The following OCM variants were observed in gnomAD, a reference collection of about 807,000 sequenced individuals.
OCM encodes oncomodulin.
Under a neutral mutation model 14.1 loss-of-function variants are expected in OCM, and 18 were observed. The observed-to-expected ratio is 1.28, with a 90% CI of 0.88 to 1.89. OCM has a LOEUF of 1.89. Among genes scored for constraint, OCM ranks in the 40% most tolerant of loss-of-function variants. The probability of loss-of-function intolerance (pLI) is 0.00; values close to 1 mark genes in which losing one functional copy is unlikely to be tolerated. For synonymous variants in OCM, 48 were observed against 51.0 expected, an observed-to-expected ratio of 0.94 and a Z score of 0.25; for missense variants, 140 against 137.6, an observed-to-expected ratio of 1.02 and a Z score of -0.09.
the OCM span, among the ~76,000 whole-genome samples, chr7:5,865,182 C>A: frequency 3.3e-5 from 5 of 151,908 alleles, no homozygotes; most frequent in African/African-American, 9.6e-5. Context: ...TCGGGGCCGA[C>A]GAGTAGTGTG....
chr7:5,860,307 T>C, the OCM span, among the ~76,000 whole-genome samples: 1 of 149,856 alleles, frequency 6.7e-6, no homozygotes, highest in East Asian at 2.0e-4. Context: ...CTATAGCATT[T>C]CACACATGCC....
the OCM span, among the ~76,000 whole-genome samples, chr7:5,872,203 C>T: frequency 2.2e-4 from 34 of 152,314 alleles, 1 homozygote; most frequent in Middle Eastern, 3.4e-3. Flanking sequence ...CAGGAGAGGT[C>T]AGCTCTTATA....
At chr7:5,882,230 AG>A (rs1436036253) in intron 1 of OCM, among the ~76,000 whole-genome samples, 4 of 145,086 alleles carry the variant, frequency 2.8e-5, no homozygotes, top group African/African-American at 1.0e-4. Flanking sequence ...GGCCAGGGGG[AG>A]GGGGAGGCAC....
chr7:5,880,675 C>T (rs1431363698), upstream of OCM: 3 of 491,810 alleles, frequency 6.1e-6, no homozygotes, highest in African/African-American at 5.9e-5. Context: ...AGGAGAATCA[C>T]TTGAGCCCAG....
the OCM span, among the ~76,000 whole-genome samples, chr7:5,863,631 CA>C: frequency 6.6e-6 from 1 of 151,068 alleles, no homozygotes; most frequent in Non-Finnish European, 1.5e-5. Context: ...CTCCTGGGTT[CA>C]AGCGATTCTC....
At chr7:5,872,234 G>A in the OCM span, among the ~76,000 whole-genome samples, 1 of 152,120 alleles carries the variant, frequency 6.6e-6, no homozygotes, top group Admixed American at 6.6e-5. Context: ...GTGTGTTCCT[G>A]GGGATCCCCC....
chr7:5,874,040 A>C, the OCM span, among the ~76,000 whole-genome samples: 1 of 143,938 alleles, frequency 6.9e-6, no homozygotes, highest in Non-Finnish European at 1.5e-5. Flanking sequence ...ACATGGTGAA[A>C]CCCCATCTCT....
intron 3 of OCM, among the ~76,000 whole-genome samples, chr7:5,885,272 T>G (rs955722470): frequency 5.8e-4 from 88 of 152,264 alleles, no homozygotes; most frequent in African/African-American, 2.0e-3. Context: ...CAGAAACGTT[T>G]GGAGTTTGGT....
upstream of OCM, among the ~76,000 whole-genome samples, chr7:5,877,539 C>T (rs938075920): frequency 6.6e-6 from 1 of 151,228 alleles, no homozygotes; most frequent in Non-Finnish European, 1.5e-5. Context: ...AGACCCTAGG[C>T]CAGGCCCGGC....
chr7:5,866,114 A>G, the OCM span, among the ~76,000 whole-genome samples: 1 of 151,502 alleles, frequency 6.6e-6, no homozygotes, highest in African/African-American at 2.4e-5. Context: ...TGAGGCTAGG[A>G]GCTGAACACC....
At chr7:5,871,174 C>A in the OCM span, among the ~76,000 whole-genome samples, 29 of 52,498 alleles carry the variant, frequency 5.5e-4, no homozygotes, top group African/African-American at 4.0e-3. Context: ...TAGTGAGAGC[C>A]CCCCCCCCGT....
chr7:5,865,808 T>A, the OCM span, among the ~76,000 whole-genome samples: 1 of 152,162 alleles, frequency 6.6e-6, no homozygotes, highest in Non-Finnish European at 1.5e-5. Context: ...TAACTGTGCA[T>A]TTAATACATA....
At chr7:5,860,021 C>A in the OCM span, among the ~76,000 whole-genome samples, 154 of 150,500 alleles carry the variant, frequency 1.0e-3, no homozygotes, top group African/African-American at 3.7e-3. Context: ...TTCCTGGGTT[C>A]TGAATCTCAT....
In OCM at chr7:5,880,972, G is replaced by A. The variant is rs781491016; in HGVS notation, c.61+22G>A. 4 of 1,608,508 alleles carry A rather than the reference G, an allele frequency of 2.5e-6. No homozygotes were observed. In the East Asian group the frequency reaches 6.7e-5, roughly 27 times the overall value. On this transcript the variant is annotated intron_variant, in intron 1 of 3. Transcript: ENST00000242104. ...CGAGGTAGAGGGGACGTGAGGCGGG[G>A]GTGGGATTTCCTCACAGCTTTGCAC...
the OCM span, among the ~76,000 whole-genome samples, chr7:5,865,172 T>TCGGGGC: frequency 3.9e-5 from 6 of 151,962 alleles, no homozygotes; most frequent in East Asian, 1.2e-3. Flanking sequence ...CTGGCCAGCG[T>TCGGGGC]CGGGGCCGAC....
upstream of OCM, among the ~76,000 whole-genome samples, chr7:5,875,462 A>T (rs1781077594): frequency 1.3e-5 from 2 of 152,068 alleles, no homozygotes; most frequent in African/African-American, 4.8e-5. Context: ...TCTTTTTAAA[A>T]TTTAAATAAA....
chr7:5,866,654 C>T, the OCM span, among the ~76,000 whole-genome samples: 1 of 152,152 alleles, frequency 6.6e-6, no homozygotes, highest in East Asian at 1.9e-4. Flanking sequence ...TAAACTCACT[C>T]AACTCCCAGT....
chr7:5,882,085 C>CAAA lies in OCM; in HGVS notation c.62-376_62-374dup, dbSNP rs60321561. Among the ~76,000 whole-genome samples the CAAA allele has an allele frequency of 3.3e-3, 150 of 45,968 alleles. 5 individuals are homozygous for CAAA. The highest frequency in any genetic ancestry group is 0.014 in the East Asian group (14 of 1,010). 30.2% of individuals were successfully genotyped at this position (45,968 alleles called of 152,430 possible). A position where few individuals can be genotyped will look rare whatever the true frequency, so the allele number is the denominator to read the frequency against. On this transcript the variant is annotated intron_variant, in intron 1 of 3. Transcript: ENST00000242104. ...CTGGTGACAGAGTGAGACTCTGTCT[C>CAAA]AAAAAAAAAAAAAAAAAAAAAAAAA...
chr7:5,882,840 C>CTT (rs10581848), intron 2 of OCM, among the ~76,000 whole-genome samples: 3 of 119,506 alleles, frequency 2.5e-5, no homozygotes, highest in Non-Finnish European at 1.7e-5. Flanking sequence ...TGCAAAGATT[C>CTT]TTTTTTTTTT....
Sources: allele counts gnomAD v4.1 joint callset (sites outside exome capture counted in the v4.1 genomes callset), GRCh38; gene constraint gnomAD v4.1.1; transcripts MANE v1.5; gene names NCBI Gene and HGNC (gene_info 2026-07-23, HGNC 2026-07-21).